The following HNRNPR variants were observed in gnomAD, a reference collection of about 807,000 sequenced individuals.
HNRNPR encodes heterogeneous nuclear ribonucleoprotein R.
Under a neutral mutation model 70.3 loss-of-function variants are expected in HNRNPR, and 4 were observed. That is an observed-to-expected ratio of 0.06 (90% confidence interval 0.03 to 0.13). The LOEUF (loss-of-function observed/expected upper bound fraction) is 0.13, where lower values mean the gene tolerates loss of function less well. Ranked by LOEUF, HNRNPR falls within the 10% of genes least tolerant of loss-of-function variation. The probability of loss-of-function intolerance (pLI) is 1.00; values close to 1 mark genes in which losing one functional copy is unlikely to be tolerated. For synonymous variants in HNRNPR, 241 were observed against 267.6 expected, an observed-to-expected ratio of 0.90 and a Z score of 0.97; for missense variants, 423 against 788.5, an observed-to-expected ratio of 0.54 and a Z score of 5.55.
chr1:23,328,656 C>T lies in HNRNPR; in HGVS notation c.498+4862G>A, dbSNP rs188755032. 7.7e-4 allele frequency among the ~76,000 whole-genome samples: 117 copies of T among 152,280 alleles called. No individual in the cohort carries two copies. The South Asian group carries it at 0.011, about 15-fold the overall frequency. On this transcript the variant is annotated intron_variant, in intron 5 of 10. Transcript: ENST00000302271. ...CTGGGACTACAGGCATGTGCCACCA[C>T]GCCTGACTAATTTTTGTATTTTTAG...
At chr1:23,317,713 G>A (rs572026985) in intron 8 of HNRNPR, among the ~76,000 whole-genome samples, 1 of 152,168 alleles carries the variant, frequency 6.6e-6, no homozygotes, top group Admixed American at 6.5e-5. Context: ...GGCGGGGCAC[G>A]GTGGCTCATG....
intron 5 of HNRNPR, among the ~76,000 whole-genome samples, chr1:23,325,159 T>G (rs1447252186): frequency 1.3e-5 from 2 of 152,016 alleles, no homozygotes; most frequent in East Asian, 3.9e-4. Context: ...ACAAAAAATT[T>G]TATATTAAAA....
chr1:23,325,000 C>T (rs1190878038), intron 5 of HNRNPR, among the ~76,000 whole-genome samples: 1 of 151,814 alleles, frequency 6.6e-6, no homozygotes, highest in Non-Finnish European at 1.5e-5. Context: ...ATTAGCCGGG[C>T]GTGGTGGCCG....
intron 8 of HNRNPR, among the ~76,000 whole-genome samples, chr1:23,317,418 A>G (rs1645588972): frequency 1.3e-5 from 2 of 151,900 alleles, no homozygotes; most frequent in Non-Finnish European, 2.9e-5. Flanking sequence ...AGATCGCGCC[A>G]CTGCACTCCA....
Position 23,308,773 on chromosome 1 carries a change from TATGATCTAGCCA to T in HNRNPR, c.*1669_*1680del, listed in dbSNP as rs1557801785. ...AATGAAAAGAAGCCATGAAACCCAA[TATGATCTAGCCA>T]AGATTACACGGAATTAAGTGGCTTA... On this transcript the variant is annotated 3_prime_UTR_variant, in exon 11 of 11. Transcript: ENST00000302271. The T allele has an allele frequency of 1.3e-5, 2 of 152,084 alleles. No homozygotes were observed. Among genetic ancestry groups the T allele is most frequent in the African/African-American group, 4.8e-5 (2 of 41,452 alleles). 9.4% of individuals were successfully genotyped at this position (152,084 alleles called of 1,614,324 possible). A position where few individuals can be genotyped will look rare whatever the true frequency, so the allele number is the denominator to read the frequency against.
intron 2 of HNRNPR, among the ~76,000 whole-genome samples, chr1:23,340,078 C>T (rs1646655643): frequency 1.3e-5 from 2 of 150,806 alleles, no homozygotes; most frequent in East Asian, 3.9e-4. Flanking sequence ...GTACTTAAGA[C>T]ACATTTGTGA....
chr1:23,318,100 T>C lies in HNRNPR; in HGVS notation c.1017+383A>G, dbSNP rs1184547037. On this transcript the variant is annotated intron_variant, in intron 8 of 10. Transcript: ENST00000302271. This position sits in a 1 kb window ranked among gnomAD's most constrained non-coding sequence, Gnocchi z 4.2. ...AATTCATGGCCAAGTAATAAAGTCA[T>C]AATATAGTCAATGAAGATTATAACT... Among the ~76,000 whole-genome samples, 3 of 151,314 alleles carry C rather than the reference T, an allele frequency of 2.0e-5. No homozygotes were observed. The highest frequency in any genetic ancestry group is 4.8e-5 in the African/African-American group (2 of 41,260).
At chr1:23,323,783 G>A (rs751901245) in intron 5 of HNRNPR, 51 bp from the exon 6 acceptor site, 21 of 1,486,400 alleles carry the variant, frequency 1.4e-5, no homozygotes, top group Non-Finnish European at 2.0e-5. Context: ...TGATTTTAGA[G>A]CCATAAAGCC....
rs527649550 is a variant in HNRNPR at position 23,325,864 on chromosome 1, G to C, written c.499-2132C>G. On this transcript the variant is annotated intron_variant, in intron 5 of 10. Transcript: ENST00000302271. Reference sequence around the variant, plus strand: ...TATTTATTTCCTTTCACTGATAAATGTTTGGTTTGTTTTTGAGACAGGGTC... The same window carrying C: ...TATTTATTTCCTTTCACTGATAAATCTTTGGTTTGTTTTTGAGACAGGGTC... Among the ~76,000 whole-genome samples the C allele has an allele frequency of 5.9e-5, 9 of 152,164 alleles. No homozygotes were observed. In the South Asian group the frequency reaches 1.9e-3, roughly 32 times the overall value.
chr1:23,307,804 G>GT lies in HNRNPR; in HGVS notation c.*2649dup, dbSNP rs1233197331. ...TATATTTCCCAACACACACTTTACTGTAACAGGCTCATAAATAAAGCCAAA... is the reference window on the plus strand; with the variant it reads ...TATATTTCCCAACACACACTTTACTGTTAACAGGCTCATAAATAAAGCCAAA... On this transcript the variant is annotated 3_prime_UTR_variant, in exon 11 of 11. Transcript: ENST00000302271. The GT allele has an allele frequency of 1.3e-5, 2 of 151,600 alleles. No individual in the cohort carries two copies. The highest frequency in any genetic ancestry group is 2.9e-5 in the Non-Finnish European group (2 of 67,888). 9.4% of individuals were successfully genotyped at this position (151,600 alleles called of 1,614,324 possible).
intron 4 of HNRNPR, among the ~76,000 whole-genome samples, chr1:23,335,796 T>C (rs1389790820): frequency 6.6e-6 from 1 of 152,152 alleles, no homozygotes; most frequent in Non-Finnish European, 1.5e-5. Flanking sequence ...AGAAATAACT[T>C]CAACATACAA....
rs1485818432 is a variant in HNRNPR at position 23,307,524 on chromosome 1, C to T, written c.*2930G>A. 6.6e-6 allele frequency: 1 copy of T among 151,992 alleles called. No individual in the cohort carries two copies. The highest frequency in any genetic ancestry group is 2.4e-5 in the African/African-American group (1 of 41,418). The allele number at this position is 151,992 out of a possible 1,614,324, so 9.4% of individuals were successfully genotyped here. ...AAACCTGAAAAACAATTATGCTGAA[C>T]TCATTTTAAAAAAACTACAGAATCA... On this transcript the variant is annotated 3_prime_UTR_variant, in exon 11 of 11. Transcript: ENST00000302271.
At chr1:23,338,374 T>C (rs1038202375) in intron 3 of HNRNPR, 116 bp downstream of exon 3, 6 of 498,906 alleles carry the variant, frequency 1.2e-5, no homozygotes, top group East Asian at 6.5e-5. Context: ...AACTAATTTT[T>C]TAAAAGAAGA....
chr1:23,339,395 T>C (rs999231731), intron 2 of HNRNPR, among the ~76,000 whole-genome samples: 1 of 152,316 alleles, frequency 6.6e-6, no homozygotes, highest in East Asian at 1.9e-4. Flanking sequence ...ACAAGTAAAC[T>C]TGACAGAAAA....
Position 23,310,713 on chromosome 1 carries a change from C to G in HNRNPR, c.1643G>C (p.Gly548Ala), listed in dbSNP as rs759334863. 4.3e-6 allele frequency: 7 copies of G among 1,613,594 alleles called. No homozygotes were observed. In the Admixed American group the frequency reaches 1.2e-4, roughly 27 times the overall value. Reference sequence around the variant, plus strand: ...ACGGCCTCTCTGCTGTTGAGCAGGACCCCCTCTGCCACCCCTAGAGCCTCT... The same window carrying G: ...ACGGCCTCTCTGCTGTTGAGCAGGAGCCCCTCTGCCACCCCTAGAGCCTCT... ...PPRGSRGGRG[G>A]PAQQQRGRGS... Residue 548 changes from glycine to alanine, a missense_variant, in exon 11 of 11, where the codon GGT becomes GCT. Transcript: ENST00000302271. The surrounding 1 kb of genome is among the most constrained non-coding windows in gnomAD (Gnocchi z 6.0).
Position 23,311,283 on chromosome 1 carries a change from C to T in HNRNPR, c.1207G>A (p.Glu403Lys). The change falls in exon 10 of 11, where the codon GAA (glutamate) becomes AAA (lysine). Residue 403 changes from glutamate (E) to lysine (K), a missense_variant. By Grantham distance (56) the Glu-to-Lys change is moderately conservative. This residue lies in a region of HNRNPR where 46 missense variants were observed against 164.6 expected (regional missense o/e 0.28). Coordinates refer to ENST00000302271, the MANE Select transcript of HNRNPR (RefSeq NM_005826.5). ...EMNGKEIEGE[E>K]IEIVLAKPPD... is the part of the protein sequence containing the mutation. ...GGCTTGGCTAAGACTATTTCAATTT[C>T]TTCCCCTTCTATTTCTTTGCCATTC... The T allele has an allele frequency of 6.2e-7, 1 of 1,606,078 alleles. No homozygotes were observed. The highest frequency in any genetic ancestry group is 8.5e-7 in the Non-Finnish European group (1 of 1,172,956).
intron 3 of HNRNPR, 177 bp from the exon 4 acceptor site, chr1:23,338,038 G>C: frequency 1.8e-6 from 1 of 565,378 alleles, no homozygotes; most frequent in South Asian, 2.2e-5. Context: ...CAGCAGTAAG[G>C]CAGTATAGAC....
At chr1:23,327,557 G>C (rs2148413505) in intron 5 of HNRNPR, among the ~76,000 whole-genome samples, 1 of 152,234 alleles carries the variant, frequency 6.6e-6, no homozygotes, top group East Asian at 1.9e-4. Flanking sequence ...AGGCATGGTG[G>C]CACAAGCCTG....
At chr1:23,321,163 CAAAA>C (rs58123581) in intron 7 of HNRNPR, among the ~76,000 whole-genome samples, 1 of 98,192 alleles carries the variant, frequency 1.0e-5, no homozygotes, top group Non-Finnish European at 1.9e-5. Flanking sequence ...AACTCCGTCT[CAAAA>C]AAAAAAAAAA....
Sources: allele counts gnomAD v4.1 joint callset (sites outside exome capture counted in the v4.1 genomes callset), GRCh38; gene constraint gnomAD v4.1.1; regional missense constraint gnomAD v4.1.1; non-coding constraint Gnocchi (gnomAD v3.1); transcripts MANE v1.5; gene names NCBI Gene and HGNC (gene_info 2026-07-23, HGNC 2026-07-21).